The following LPP variants were observed in gnomAD, a reference collection of about 807,000 sequenced individuals.
The protein encoded by LPP is LIM domain containing preferred translocation partner in lipoma.
LPP carries 38 observed loss-of-function variants against 60.4 expected under a neutral mutation model. The ratio of observed to expected loss-of-function variants is 0.63; its 90% CI spans 0.49 to 0.83. The LOEUF (loss-of-function observed/expected upper bound fraction) is 0.83. LPP is among the 40% of genes least tolerant of loss of function. The pLI, the probability that LPP is intolerant of heterozygous loss-of-function variation, is 0.00. For missense variants in LPP, 902 were observed against 783.6 expected, an observed-to-expected ratio of 1.15 and a Z score of -1.80; for synonymous variants, 328 against 290.8, an observed-to-expected ratio of 1.13 and a Z score of -1.30.
chr3:188,407,791 T>TTTG, intron 4 of LPP, among the ~76,000 whole-genome samples: 1 of 34,134 alleles, frequency 2.9e-5, no homozygotes, highest in African/African-American at 4.9e-5. Flanking sequence ...TTTGTTTGTT[T>TTTG]TTTTTTTTTT....
At position 188,609,555 on chromosome 3, in the gene LPP, A is replaced by C; in HGVS notation, c.824A>C (p.Tyr275Ser). 6.2e-7 allele frequency: 1 copy of C among 1,614,188 alleles called. No homozygotes were observed. Residue 275 changes from tyrosine to serine, a missense_variant, in exon 7 of 12, where the codon TAC becomes TCC. Physicochemically the swap from Tyr to Ser is moderately radical, Grantham distance 144. Transcript: ENST00000617246. The surrounding 1 kb of genome is among the most constrained non-coding windows in gnomAD (Gnocchi z 6.9). ...ACACGGGGAGGCATGGATTATGCCT[A>C]CATTCCACCACCAGGACTTCAGCCG... ...PSTRGGMDYA[Y>S]IPPPGLQPEP...
At chr3:188,447,679 G>A (rs1795572599) in intron 4 of LPP, among the ~76,000 whole-genome samples, 2 of 151,586 alleles carry the variant, frequency 1.3e-5, no homozygotes, top group Non-Finnish European at 2.9e-5. Context: ...AGAGGCTGAT[G>A]CAGGAGAATC....
chr3:188,443,874 C>T (rs1794624423), intron 4 of LPP, among the ~76,000 whole-genome samples: 1 of 152,182 alleles, frequency 6.6e-6, no homozygotes, highest in African/African-American at 2.4e-5. Context: ...CTTAGCTTTC[C>T]TCCAGGGAAC....
At chr3:188,164,594 C>G (rs1189863554) in intron 1 of LPP, among the ~76,000 whole-genome samples, 5 of 152,162 alleles carry the variant, frequency 3.3e-5, no homozygotes, top group Non-Finnish European at 7.3e-5. Flanking sequence ...TGGGTGTGCC[C>G]TGACTCATGG....
Position 188,882,046 on chromosome 3 carries a change from C to A in LPP, c.*7567C>A. The A allele has an allele frequency of 4.8e-6, 1 of 207,964 alleles. No individual in the cohort carries two copies. Among genetic ancestry groups the A allele is most frequent in the Admixed American group, 5.9e-5 (1 of 16,898 alleles). 12.9% of individuals were successfully genotyped at this position (207,964 alleles called of 1,614,324 possible). On this transcript the variant is annotated 3_prime_UTR_variant, in exon 12 of 12. Coordinates refer to ENST00000617246, the MANE Select transcript of LPP (RefSeq NM_001375462.1). The stretch of plus-strand genomic sequence containing the variant: ...TACTCAGCTCTTCAATTTATAATTA[C>A]CAAATAATCACTGTTAGAGAATCAG...
Position 188,883,997 on chromosome 3 carries a change from T to C in LPP, c.*9518T>C. On this transcript the variant is annotated 3_prime_UTR_variant, in exon 12 of 12. Transcript: ENST00000617246. ...ACCTTTGTCATGGGGAAGACCATGA[T>C]TGTGGCTTCTTCTACCCCAACTTTG... is the stretch of plus-strand genomic sequence containing the variant. 4.5e-6 allele frequency: 1 copy of C among 219,826 alleles called. No individual in the cohort carries two copies. Among genetic ancestry groups the C allele is most frequent in the Non-Finnish European group, 9.1e-6 (1 of 109,692 alleles). The allele number at this position is 219,826 out of a possible 1,614,324, so 13.6% of individuals were successfully genotyped here. A position where few individuals can be genotyped will look rare whatever the true frequency, so the allele number is the denominator to read the frequency against.
chr3:188,685,086 T>G, intron 7 of LPP, among the ~76,000 whole-genome samples: 1 of 152,162 alleles, frequency 6.6e-6, no homozygotes, highest in East Asian at 1.9e-4. Context: ...CATTTTGCAT[T>G]GAGGAAGCTG....
chr3:188,530,133 G>A (rs752476467), intron 6 of LPP, among the ~76,000 whole-genome samples: 9 of 148,810 alleles, frequency 6.0e-5, no homozygotes, highest in Admixed American at 2.7e-4. Flanking sequence ...TATGTAAAGT[G>A]TAAATGGGAT....
chr3:188,853,064 C>T (rs908980684), intron 9 of LPP, among the ~76,000 whole-genome samples: 1 of 152,088 alleles, frequency 6.6e-6, no homozygotes, highest in South Asian at 2.1e-4. Context: ...GCAGGAGAAT[C>T]GCTTGAACCC....
intron 5 of LPP, among the ~76,000 whole-genome samples, chr3:188,510,331 AC>A (rs202020717): frequency 0.029 from 4,451 of 152,150 alleles, 83 homozygotes; most frequent in Middle Eastern, 0.048. Context: ...TGCTCCAATA[AC>A]CCTTGTTTGT....
Position 188,712,874 on chromosome 3 carries a change from T to C in LPP, c.1240+4481T>C, listed in dbSNP as rs1712149655. ...TCCTTTGTGGTCATGTTGCTTTGCT[T>C]CCAAGACACTCTTTTTTTTTTCATA... is the stretch of plus-strand genomic sequence containing the variant. On this transcript the variant is annotated intron_variant, in intron 8 of 11. Transcript: ENST00000617246. 2.0e-5 allele frequency: 3 copies of C among 152,158 alleles called. No individual in the cohort carries two copies. The South Asian group carries it at 6.2e-4, about 32-fold the overall frequency. The allele number at this position is 152,158 out of a possible 1,614,324, so 9.4% of individuals were successfully genotyped here. A position where few individuals can be genotyped will look rare whatever the true frequency, so the allele number is the denominator to read the frequency against.
intron 2 of LPP, among the ~76,000 whole-genome samples, chr3:188,270,973 T>C (rs149457579): frequency 3.1e-3 from 476 of 152,308 alleles, no homozygotes; most frequent in Non-Finnish European, 5.9e-3. Flanking sequence ...CAGGGTTGAA[T>C]TTGATGATCT....
chr3:188,649,915 A>C (rs1345037443), intron 7 of LPP, among the ~76,000 whole-genome samples: 1 of 152,198 alleles, frequency 6.6e-6, no homozygotes, highest in Non-Finnish European at 1.5e-5. Flanking sequence ...TTCCTCTGTT[A>C]TAGGTAATAA....
chr3:188,835,226 G>A (rs986055049), intron 9 of LPP, among the ~76,000 whole-genome samples: 4 of 151,580 alleles, frequency 2.6e-5, no homozygotes, highest in East Asian at 1.9e-4. Flanking sequence ...TGGAGGCCGA[G>A]GGGGGCAGAT....
intron 7 of LPP, among the ~76,000 whole-genome samples, chr3:188,698,997 C>T (rs1291319399): frequency 6.6e-6 from 1 of 152,192 alleles, no homozygotes; most frequent in Non-Finnish European, 1.5e-5. Context: ...CATTCTGCTT[C>T]CAAGAAGAAA....
chr3:188,522,239 G>T (rs985440718), intron 5 of LPP, among the ~76,000 whole-genome samples: 7 of 152,002 alleles, frequency 4.6e-5, no homozygotes, highest in Non-Finnish European at 1.0e-4. Flanking sequence ...TCTATTTTTG[G>T]CTATGACAAG....
At chr3:188,728,036 T>C (rs1050150759) in intron 8 of LPP, among the ~76,000 whole-genome samples, 6 of 151,848 alleles carry the variant, frequency 4.0e-5, no homozygotes, top group Admixed American at 2.0e-4. Context: ...ACCTGAGGAG[T>C]TTCTTGGTTC....
chr3:188,785,778 C>T (rs1741659373), intron 9 of LPP, among the ~76,000 whole-genome samples: 1 of 151,822 alleles, frequency 6.6e-6, no homozygotes, highest in South Asian at 2.1e-4. Context: ...ATTAAGGAAT[C>T]TCCACATTGT....
At chr3:188,289,889 C>T (rs1483410737) in intron 2 of LPP, among the ~76,000 whole-genome samples, 2 of 152,094 alleles carry the variant, frequency 1.3e-5, no homozygotes, top group African/African-American at 2.4e-5. Context: ...ATCTTTCTCT[C>T]AATATCATAA....
Sources: gnomAD v4.1 joint callset for allele counts (sites outside exome capture counted in the v4.1 genomes callset) on GRCh38, gnomAD v4.1.1 for gene constraint, Gnocchi (gnomAD v3.1) non-coding constraint, MANE v1.5 for transcripts, NCBI Gene and HGNC (gene_info 2026-07-23, HGNC 2026-07-21) for gene names.